Variants in DACH2 observed in about 807,000 individuals in gnomAD.
The protein encoded by DACH2 is dachshund homolog 2.
In DACH2, 17 loss-of-function variants were observed where a neutral mutation model predicts 35.8. The observed-to-expected ratio is 0.48, with a 90% confidence interval of 0.33 to 0.71. The LOEUF (loss-of-function observed/expected upper bound fraction) is 0.71, where lower values mean the gene tolerates loss of function less well. Among genes scored for constraint, DACH2 ranks in the 30% least tolerant of loss-of-function variants. The pLI is 0.02. For synonymous variants in DACH2, 195 were observed against 177.3 expected (o/e 1.10, Z -0.79); for missense variants, 469 against 472.7 (o/e 0.99, Z 0.07).
At chrX:86,810,001 T>G (rs1196065778) in intron 7 of DACH2, among the ~76,000 whole-genome samples, 2 of 111,539 alleles carry the variant, frequency 1.8e-5, no homozygotes, top group Non-Finnish European at 1.9e-5. Flanking sequence ...TGAAATATGA[T>G]TCTTTTTGTA....
intron 1 of DACH2, among the ~76,000 whole-genome samples, chrX:86,165,102 AT>A (rs986319437): frequency 4.6e-5 from 5 of 109,522 alleles, no homozygotes; most frequent in Non-Finnish European, 7.7e-5. Context: ...ATCTTTTCTG[AT>A]TTTTTTTGAG....
intron 3 of DACH2, among the ~76,000 whole-genome samples, chrX:86,610,299 G>GTTTC (rs762415727): frequency 4.1e-4 from 45 of 110,431 alleles, no homozygotes; most frequent in African/African-American, 9.9e-4. Flanking sequence ...AGACCCAAAG[G>GTTTC]TTTCTTTCTT....
intron 1 of DACH2, among the ~76,000 whole-genome samples, chrX:86,349,320 C>T (rs1296756370): frequency 4.5e-5 from 5 of 110,739 alleles, no homozygotes; most frequent in Non-Finnish European, 7.5e-5. Context: ...CTGGTGTCAG[C>T]CGGTACCTGT....
chrX:86,742,742 C>A (rs2041670132), intron 7 of DACH2: 2 of 288,757 alleles, frequency 6.9e-6, no homozygotes, highest in Non-Finnish European at 6.7e-6. Flanking sequence ...ATGATTTTTG[C>A]TTATTTGATA....
intron 1 of DACH2, among the ~76,000 whole-genome samples, chrX:86,214,657 C>G (rs1360958926): frequency 9.0e-6 from 1 of 111,656 alleles, no homozygotes; most frequent in Non-Finnish European, 1.9e-5. Context: ...TATAGCCTAT[C>G]CAGACAATTT....
At chrX:86,599,841 C>A (rs953781647) in intron 3 of DACH2, among the ~76,000 whole-genome samples, 1 of 110,615 alleles carries the variant, frequency 9.0e-6, no homozygotes, top group East Asian at 2.9e-4. Context: ...CAGAATGGAA[C>A]CTTCACCCTT....
At chrX:86,166,301 G>T (rs1161467837) in intron 1 of DACH2, among the ~76,000 whole-genome samples, 1 of 111,099 alleles carries the variant, frequency 9.0e-6, no homozygotes, top group Non-Finnish European at 1.9e-5. Flanking sequence ...GGTTAGAATA[G>T]ATTTGGTTAT....
intron 1 of DACH2, among the ~76,000 whole-genome samples, chrX:86,286,451 A>G (rs1033413309): frequency 3.6e-5 from 4 of 110,149 alleles, no homozygotes; most frequent in Non-Finnish European, 5.7e-5. Flanking sequence ...ATTTACATTC[A>G]TTGTTATTAT....
At chrX:86,453,016 C>T (rs746443792) in intron 2 of DACH2, among the ~76,000 whole-genome samples, 6 of 111,241 alleles carry the variant, frequency 5.4e-5, no homozygotes, top group African/African-American at 2.0e-4. Context: ...GGTATGTTGC[C>T]TGTTTGTTCT....
intron 2 of DACH2, among the ~76,000 whole-genome samples, chrX:86,509,589 C>T (rs1467455138): frequency 9.0e-6 from 1 of 111,485 alleles, no homozygotes; most frequent in African/African-American, 3.3e-5. Flanking sequence ...TTCATAAACA[C>T]TGGAAGGTCA....
chrX:86,306,538 T>C (rs2034692303), intron 1 of DACH2, among the ~76,000 whole-genome samples: 1 of 111,688 alleles, frequency 9.0e-6, no homozygotes, highest in Non-Finnish European at 1.9e-5. Context: ...AATCCAGCCT[T>C]AATCTGGTGG....
intron 1 of DACH2, among the ~76,000 whole-genome samples, chrX:86,213,035 A>C (rs2032483771): frequency 9.0e-6 from 1 of 111,727 alleles, no homozygotes; most frequent in Non-Finnish European, 1.9e-5. Flanking sequence ...AGAAAATAGC[A>C]GTATTTAAAC....
chrX:86,239,383 A>G (rs1180016433), intron 1 of DACH2, among the ~76,000 whole-genome samples: 1 of 111,595 alleles, frequency 9.0e-6, no homozygotes, highest in African/African-American at 3.3e-5. Context: ...CTGCCAAGGG[A>G]CAATATGTAT....
chrX:86,663,099 AT>A (rs1207048551), intron 4 of DACH2, among the ~76,000 whole-genome samples: 1 of 111,648 alleles, frequency 9.0e-6, no homozygotes, highest in Non-Finnish European at 1.9e-5. Context: ...TAAGACAAGA[AT>A]ATAGTTGGAG....
At chrX:86,765,090 T>C (rs1260439470) in intron 7 of DACH2, among the ~76,000 whole-genome samples, 2 of 112,111 alleles carry the variant, frequency 1.8e-5, no homozygotes, top group African/African-American at 3.2e-5. Context: ...TGTTTGTTTT[T>C]GGCTTGTTGA....
chrX:86,785,520 T>C (rs1041752387), intron 7 of DACH2, among the ~76,000 whole-genome samples: 1 of 111,352 alleles, frequency 9.0e-6, no homozygotes, highest in Non-Finnish European at 1.9e-5. Flanking sequence ...GAAATATGAA[T>C]AACTGGCCAC....
chrX:86,564,323 G>T (rs768291797), intron 3 of DACH2, among the ~76,000 whole-genome samples: 123 of 111,204 alleles, frequency 1.1e-3, no homozygotes, highest in African/African-American at 3.7e-3. Flanking sequence ...ATTGCAAACT[G>T]TTTACCCTTC....
chrX:86,657,582 G>T (rs2040558047), intron 4 of DACH2, among the ~76,000 whole-genome samples: 1 of 111,009 alleles, frequency 9.0e-6, no homozygotes, highest in Non-Finnish European at 1.9e-5. Flanking sequence ...TAAATGAATG[G>T]TCTCTCTTTG....
At chrX:86,760,065 A>G (rs983425144) in intron 7 of DACH2, among the ~76,000 whole-genome samples, 2 of 111,724 alleles carry the variant, frequency 1.8e-5, no homozygotes, top group African/African-American at 6.5e-5. Flanking sequence ...AAGCTTTTCC[A>G]TAAGAAGTCA....
Sources: allele counts gnomAD v4.1 joint callset (sites outside exome capture counted in the v4.1 genomes callset), GRCh38; gene constraint gnomAD v4.1.1; transcripts MANE v1.5; gene names NCBI Gene and HGNC (gene_info 2026-07-23, HGNC 2026-07-21).